The following FOXO1 variants were observed in gnomAD, a reference collection of about 807,000 sequenced individuals.
The protein encoded by FOXO1 is forkhead box O1.
FOXO1 carries 6 observed loss-of-function variants against 44.1 expected under a neutral mutation model. The observed-to-expected ratio is 0.14, with a 90% CI of 0.07 to 0.27. The LOEUF (loss-of-function observed/expected upper bound fraction) is 0.27. FOXO1 is among the 10% of genes least tolerant of loss of function. The pLI is 1.00. For synonymous variants in FOXO1, 380 were observed against 362.7 expected, an observed-to-expected ratio of 1.05 and a Z score of -0.54; for missense variants, 737 against 888.8, an observed-to-expected ratio of 0.83 and a Z score of 2.17.
At chr13:40,647,934 G>T (rs1014036385) in intron 1 of FOXO1, among the ~76,000 whole-genome samples, 2 of 152,212 alleles carry the variant, frequency 1.3e-5, no homozygotes, top group African/African-American at 4.8e-5. Context: ...TGCCTGCAGA[G>T]TCTGGTCAAA....
In FOXO1 at chr13:40,560,747, T is replaced by C. The variant is rs61753354; in HGVS notation, c.744A>G (p.Lys248=). The change falls in exon 2 of 3, where the codon AAA becomes AAG. Residue 248 remains lysine, a synonymous_variant. Coordinates refer to ENST00000379561, the MANE Select transcript of FOXO1 (RefSeq NM_002015.4). The surrounding 1 kb of genome is among the most constrained non-coding windows in gnomAD (Gnocchi z 5.1). ...MLNPEGGKSG[K]SPRRRAASMD... is the part of the protein sequence containing the mutation. Reference sequence around the variant, plus strand: ...TGGATGCAGCTCTTCTCCTAGGAGATTTCCCGCTCTTGCCACCCTCTGGAT... The same window carrying C: ...TGGATGCAGCTCTTCTCCTAGGAGACTTCCCGCTCTTGCCACCCTCTGGAT... 1.3e-4 allele frequency: 206 copies of C among 1,614,070 alleles called. No homozygotes were observed. The highest frequency in any genetic ancestry group is 4.0e-4 in the Admixed American group (24 of 60,004).
chr13:40,623,952 T>TA lies in FOXO1; in HGVS notation c.630+41630dup, dbSNP rs1555251782. Among the ~76,000 whole-genome samples the TA allele has an allele frequency of 1.8e-3, 274 of 149,784 alleles. 2 individuals carry two copies. Among genetic ancestry groups the TA allele is most frequent in the African/African-American group, 6.5e-3 (266 of 40,672 alleles). On this transcript the variant is annotated intron_variant, in intron 1 of 2. Coordinates refer to ENST00000379561, the MANE Select transcript of FOXO1 (RefSeq NM_002015.4). ...AAAAAAAAAAAATTTTTTTTTTTTT[T>TA]AATTAGCCAGGCACGGTGGCGCACG...
At chr13:40,568,686 G>A (rs940284900) in intron 1 of FOXO1, among the ~76,000 whole-genome samples, 4 of 152,058 alleles carry the variant, frequency 2.6e-5, no homozygotes, top group African/African-American at 7.3e-5. Context: ...CTTCCATAAG[G>A]CTGGTTCATT....
chr13:40,660,024 T>C (rs1354931169), intron 1 of FOXO1, among the ~76,000 whole-genome samples: 1 of 152,224 alleles, frequency 6.6e-6, no homozygotes, highest in African/African-American at 2.4e-5. Context: ...TAAGTATTTG[T>C]ACACAGCATA....
chr13:40,574,000 T>C (rs887523619), intron 1 of FOXO1, among the ~76,000 whole-genome samples: 9 of 152,214 alleles, frequency 5.9e-5, no homozygotes. Flanking sequence ...GGAATTTTAG[T>C]CCTCATTGTT....
chr13:40,615,593 C>G (rs1876398062), intron 1 of FOXO1, among the ~76,000 whole-genome samples: 1 of 151,886 alleles, frequency 6.6e-6, no homozygotes, highest in African/African-American at 2.4e-5. Context: ...AGGGATGGTG[C>G]ATGGCATATA....
intron 1 of FOXO1, among the ~76,000 whole-genome samples, chr13:40,638,211 G>A (rs1157078109): frequency 6.6e-6 from 1 of 152,154 alleles, no homozygotes; most frequent in East Asian, 1.9e-4. Context: ...TGACAGCAGT[G>A]AACCAGATCA....
chr13:40,614,700 A>G (rs1593400826), intron 1 of FOXO1, among the ~76,000 whole-genome samples: 1 of 152,172 alleles, frequency 6.6e-6, no homozygotes, highest in African/African-American at 2.4e-5. Context: ...CACTTAGACT[A>G]TTTAAACAAA....
intron 1 of FOXO1, among the ~76,000 whole-genome samples, chr13:40,626,162 A>G (rs1314559927): frequency 1.3e-5 from 2 of 152,190 alleles, no homozygotes; most frequent in East Asian, 1.9e-4. Context: ...AACATCTAAT[A>G]TATGACATAT....
chr13:40,625,405 T>A (rs1876754434), intron 1 of FOXO1, among the ~76,000 whole-genome samples: 2 of 152,204 alleles, frequency 1.3e-5, no homozygotes, highest in African/African-American at 4.8e-5. Flanking sequence ...TGCTGATGGA[T>A]TACTTTTCAG....
At position 40,555,919 on chromosome 13, in the gene FOXO1, G is replaced by A. The variant is rs1262739245; in HGVS notation, c.*3130C>T. ...TAAACTCGGGTAGCGAAATGCAGGA[G>A]GCATGACTACGTCCTGATGGGACTT... On this transcript the variant is annotated 3_prime_UTR_variant, in exon 3 of 3. Coordinates refer to ENST00000379561, the MANE Select transcript of FOXO1 (RefSeq NM_002015.4). The A allele has an allele frequency of 6.6e-6, 1 of 152,662 alleles. No individual in the cohort carries two copies. The highest frequency in any genetic ancestry group is 1.9e-4 in the East Asian group (1 of 5,194). 9.5% of individuals were successfully genotyped at this position (152,662 alleles called of 1,614,324 possible).
At position 40,587,613 on chromosome 13, in the gene FOXO1, T is replaced by C. The variant is rs1701590850; in HGVS notation, c.631-26753A>G. On this transcript the variant is annotated intron_variant, in intron 1 of 2. Coordinates refer to ENST00000379561, the MANE Select transcript of FOXO1 (RefSeq NM_002015.4). ...ATTACTAGGATGGCCCCAAAGACAGTCCATCTATACCTAAAGCACGGCTCA... is the reference window on the plus strand; with the variant it reads ...ATTACTAGGATGGCCCCAAAGACAGCCCATCTATACCTAAAGCACGGCTCA... Among the ~76,000 whole-genome samples, 3 of 152,210 alleles carry C rather than the reference T, an allele frequency of 2.0e-5. No individual in the cohort carries two copies. The South Asian group carries it at 6.2e-4, about 32-fold the overall frequency.
At chr13:40,620,394 GT>G in intron 1 of FOXO1, 1 of 673,420 alleles carries the variant, frequency 1.5e-6, no homozygotes, top group South Asian at 1.6e-5. Flanking sequence ...TCAAACCTAT[GT>G]TAGTACCATA....
intron 1 of FOXO1, among the ~76,000 whole-genome samples, chr13:40,628,252 C>A (rs145910141): frequency 6.6e-6 from 1 of 151,968 alleles, no homozygotes; most frequent in East Asian, 1.9e-4. Flanking sequence ...TGTTCGTTCT[C>A]GAGCGTGGTG....
intron 1 of FOXO1, among the ~76,000 whole-genome samples, chr13:40,617,532 C>A (rs1349974073): frequency 2.0e-5 from 3 of 151,884 alleles, no homozygotes; most frequent in African/African-American, 7.3e-5. Flanking sequence ...TTCTTGTGAC[C>A]AGGTAATACG....
At chr13:40,605,484 G>A (rs1484946102) in intron 1 of FOXO1, among the ~76,000 whole-genome samples, 1 of 152,134 alleles carries the variant, frequency 6.6e-6, no homozygotes, top group Non-Finnish European at 1.5e-5. Context: ...ATGGGGACAT[G>A]GCTCCCAATT....
intron 1 of FOXO1, chr13:40,619,877 C>T (rs1229477212): frequency 1.4e-5 from 10 of 725,968 alleles, no homozygotes; most frequent in South Asian, 4.4e-5. Flanking sequence ...TTTAAAGCAG[C>T]ACATGTTTGG....
At chr13:40,569,694 C>T (rs1874406904) in intron 1 of FOXO1, among the ~76,000 whole-genome samples, 1 of 152,118 alleles carries the variant, frequency 6.6e-6, no homozygotes, top group African/African-American at 2.4e-5. Context: ...TTTGAGGTGA[C>T]CTATGTCAGA....
At chr13:40,623,208 A>G (rs1348608726) in intron 1 of FOXO1, among the ~76,000 whole-genome samples, 1 of 152,086 alleles carries the variant, frequency 6.6e-6, no homozygotes, top group Non-Finnish European at 1.5e-5. Flanking sequence ...ATTGAGATGC[A>G]TTTCGCTCCA....
Sources: gnomAD v4.1 joint callset for allele counts (sites outside exome capture counted in the v4.1 genomes callset) on GRCh38, gnomAD v4.1.1 for gene constraint, Gnocchi (gnomAD v3.1) non-coding constraint, MANE v1.5 for transcripts, NCBI Gene and HGNC (gene_info 2026-07-23, HGNC 2026-07-21) for gene names.